CHN1: variants seen among roughly 807,000 people sequenced by gnomAD.
CHN1 encodes N-chimaerin.
CHN1 carries 37 observed loss-of-function variants against 59.5 expected under a neutral mutation model. That is an observed-to-expected ratio of 0.62 (90% CI 0.48 to 0.82). The LOEUF is 0.82. Among genes scored for constraint, CHN1 ranks in the 40% least tolerant of loss-of-function variants. CHN1 has a pLI of 0.00. For synonymous variants in CHN1, 206 were observed against 200.4 expected (o/e 1.03, Z -0.24); for missense variants, 469 against 571.0 (o/e 0.82, Z 1.82).
intron 1 of CHN1, among the ~76,000 whole-genome samples, chr2:174,991,277 AAAG>A (rs1315974163): frequency 1.3e-5 from 2 of 152,228 alleles, no homozygotes; most frequent in East Asian, 3.8e-4. Flanking sequence ...GAAAAGTCTA[AAAG>A]AAGAGAGAAC....
chr2:174,892,810 T>C (rs1688094905), intron 5 of CHN1, among the ~76,000 whole-genome samples: 1 of 152,104 alleles, frequency 6.6e-6, no homozygotes, highest in Non-Finnish European at 1.5e-5. Flanking sequence ...TGAGTCACTA[T>C]ACAAAATATA....
chr2:174,836,091 C>T (rs201930226), intron 7 of CHN1, among the ~76,000 whole-genome samples: 9 of 152,310 alleles, frequency 5.9e-5, no homozygotes, highest in Admixed American at 2.0e-4. Flanking sequence ...ACCTCCCCCA[C>T]GACCCCACCC....
At chr2:174,865,364 T>C (rs1377915331) in intron 6 of CHN1, among the ~76,000 whole-genome samples, 1 of 152,136 alleles carries the variant, frequency 6.6e-6, no homozygotes, top group East Asian at 1.9e-4. Flanking sequence ...GTCTCTACAA[T>C]GATACTAAGG....
chr2:174,848,124 G>C (rs978577564), intron 6 of CHN1, among the ~76,000 whole-genome samples: 8 of 152,168 alleles, frequency 5.3e-5, no homozygotes, highest in Non-Finnish European at 1.0e-4. Context: ...CTAACAGCTT[G>C]CAGTGGTCAG....
chr2:174,866,130 G>C (rs1191372714), intron 6 of CHN1, among the ~76,000 whole-genome samples: 1 of 152,192 alleles, frequency 6.6e-6, no homozygotes, highest in Non-Finnish European at 1.5e-5. Context: ...TATTTAAAGA[G>C]TAAATGTGGA....
chr2:174,887,185 CTA>C (rs1213758559), intron 5 of CHN1, among the ~76,000 whole-genome samples: 1 of 152,074 alleles, frequency 6.6e-6, no homozygotes, highest in Non-Finnish European at 1.5e-5. Flanking sequence ...GGATTTCTGA[CTA>C]TGGAAAAGCA....
rs531659079 is a variant in CHN1 at position 174,981,795 on chromosome 2, ATTTT to A, written c.19+23095_19+23098del. Among the ~76,000 whole-genome samples, 151 of 150,644 alleles carry A rather than the reference ATTTT, an allele frequency of 1.0e-3. 1 individual carries two copies. The Middle Eastern group carries it at 0.014, about 14-fold the overall frequency. On this transcript the variant is annotated intron_variant, in intron 1 of 12. Transcript: ENST00000409900. ...GAAGTACAGTATCAAATACACACGA[ATTTT>A]TTTTTTATTATTATACTTTAAGTTT...
rs538510914 is a variant in CHN1 at position 174,869,952 on chromosome 2, G to A, written c.549+7888C>T. On this transcript the variant is annotated intron_variant, in intron 6 of 12. Coordinates refer to ENST00000409900, the MANE Select transcript of CHN1 (RefSeq NM_001822.7). ...GCATAAAAGCCCCTGTTTTTGGAGG[G>A]AAATTTTACAGTAAAGATGACCTTT... is the stretch of plus-strand genomic sequence containing the variant. Among the ~76,000 whole-genome samples the A allele has an allele frequency of 4.6e-5, 7 of 152,124 alleles. No homozygotes were observed. In the South Asian group the frequency reaches 1.0e-3, roughly 23 times the overall value.
intron 3 of CHN1, among the ~76,000 whole-genome samples, chr2:174,933,589 C>T (rs1412384692): frequency 6.6e-6 from 1 of 152,070 alleles, no homozygotes. Flanking sequence ...GTGCAGACAG[C>T]AAGTACAGAC....
chr2:174,897,204 A>G (rs182677428), intron 5 of CHN1, among the ~76,000 whole-genome samples: 6 of 152,316 alleles, frequency 3.9e-5, no homozygotes, highest in African/African-American at 1.4e-4. Flanking sequence ...AAAGACTGAA[A>G]AGATGATTAT....
chr2:174,906,414 A>G (rs1465340437), intron 5 of CHN1, among the ~76,000 whole-genome samples: 1 of 152,214 alleles, frequency 6.6e-6, no homozygotes, highest in Admixed American at 6.5e-5. Flanking sequence ...CAATAGAGAC[A>G]AAAGTAGATT....
At chr2:174,855,152 T>C (rs1574093000) in intron 6 of CHN1, among the ~76,000 whole-genome samples, 1 of 152,264 alleles carries the variant, frequency 6.6e-6, no homozygotes. Context: ...TCAGGACTTA[T>C]TTATAGTCAG....
At chr2:174,962,977 A>G (rs1690466104) in intron 1 of CHN1, among the ~76,000 whole-genome samples, 1 of 152,210 alleles carries the variant, frequency 6.6e-6, no homozygotes, top group Non-Finnish European at 1.5e-5. Context: ...TAAATTAAGT[A>G]TATACCCATA....
intron 1 of CHN1, among the ~76,000 whole-genome samples, chr2:174,987,406 C>CT (rs893724969): frequency 0.071 from 9,933 of 140,730 alleles, 354 homozygotes; most frequent in Admixed American, 0.11. Flanking sequence ...ACTCTTTTTT[C>CT]TTTTTTTTTT....
At chr2:174,873,935 T>G (rs181389422) in intron 6 of CHN1, among the ~76,000 whole-genome samples, 3 of 152,304 alleles carry the variant, frequency 2.0e-5, no homozygotes, top group Non-Finnish European at 2.9e-5. Context: ...TGTACACCCT[T>G]GATGTCTCAG....
chr2:174,807,261 G>A (rs1003577147), intron 11 of CHN1, among the ~76,000 whole-genome samples: 3 of 152,104 alleles, frequency 2.0e-5, no homozygotes, highest in Admixed American at 6.6e-5. Flanking sequence ...TAGATATGGC[G>A]GTGTGTGGAG....
chr2:174,992,665 A>G (rs936229619), intron 1 of CHN1, among the ~76,000 whole-genome samples: 1 of 152,240 alleles, frequency 6.6e-6, no homozygotes, highest in Non-Finnish European at 1.5e-5. Context: ...ACCAAACTTT[A>G]GTCAGGCTTC....
intron 8 of CHN1, among the ~76,000 whole-genome samples, chr2:174,822,574 A>C (rs1685534366): frequency 6.6e-6 from 1 of 152,234 alleles, no homozygotes; most frequent in Non-Finnish European, 1.5e-5. Flanking sequence ...ACATTTAAAA[A>C]ACTATTGCAG....
At chr2:174,814,693 A>G (rs1416384644) in intron 8 of CHN1, among the ~76,000 whole-genome samples, 1 of 152,218 alleles carries the variant, frequency 6.6e-6, no homozygotes, top group Non-Finnish European at 1.5e-5. Flanking sequence ...GAAAAATGAA[A>G]TAACACTTTG....
Sources: allele counts gnomAD v4.1 joint callset (sites outside exome capture counted in the v4.1 genomes callset), GRCh38; gene constraint gnomAD v4.1.1; transcripts MANE v1.5; gene names NCBI Gene and HGNC (gene_info 2026-07-23, HGNC 2026-07-21).